PTPN23: variants seen among roughly 807,000 people sequenced by gnomAD.
PTPN23 encodes protein tyrosine phosphatase non-receptor type 23.
In PTPN23, 72 loss-of-function variants were observed where a neutral mutation model predicts 156.3. That is an observed-to-expected ratio of 0.46 (90% CI 0.38 to 0.56). The LOEUF is 0.56. PTPN23 is among the 20% of genes least tolerant of loss of function. The probability of loss-of-function intolerance (pLI) is 0.00; values close to 1 mark genes in which losing one functional copy is unlikely to be tolerated. For synonymous variants in PTPN23, 957 were observed against 899.6 expected, an observed-to-expected ratio of 1.06 and a Z score of -1.14; for missense variants, 1,974 against 2,171.5, an observed-to-expected ratio of 0.91 and a Z score of 1.81.
intron 1 of PTPN23, among the ~76,000 whole-genome samples, chr3:47,383,525 G>C (rs1704591677): frequency 6.6e-6 from 1 of 152,150 alleles, no homozygotes; most frequent in Non-Finnish European, 1.5e-5. Context: ...GTGTTCCCCA[G>C]AGCCTAACAG....
chr3:47,403,362 CTTTT>C (rs914580109), intron 2 of PTPN23, among the ~76,000 whole-genome samples: 1 of 149,596 alleles, frequency 6.7e-6, no homozygotes, highest in African/African-American at 2.4e-5. Flanking sequence ...ACATTCTTTT[CTTTT>C]TTTTTTCCCC....
At position 47,405,310 on chromosome 3, in the gene PTPN23, G is replaced by A; in HGVS notation, c.364+229G>A. 3.4e-6 allele frequency: 2 copies of A among 584,126 alleles called. No individual in the cohort carries two copies. Among genetic ancestry groups the A allele is most frequent in the Non-Finnish European group, 6.1e-6 (2 of 326,288 alleles). The allele number at this position is 584,126 out of a possible 1,614,324, so 36.2% of individuals were successfully genotyped here. A position where few individuals can be genotyped will look rare whatever the true frequency, so the allele number is the denominator to read the frequency against. ...TCTACTGGGCTGGCTGCCACACAGAGTTGCCACTGTGTGCTCTGTCTGGGA... is the reference window on the plus strand; with the variant it reads ...TCTACTGGGCTGGCTGCCACACAGAATTGCCACTGTGTGCTCTGTCTGGGA... On this transcript the variant is annotated intron_variant, in intron 4 of 24. Transcript: ENST00000265562. The surrounding 1 kb of genome is among the most constrained non-coding windows in gnomAD (Gnocchi z 4.7).
chr3:47,409,405 C>T lies in PTPN23; in HGVS notation c.1798-12C>T. 6.2e-7 allele frequency: 1 copy of T among 1,614,040 alleles called. No homozygotes were observed. The highest frequency in any genetic ancestry group is 8.5e-7 in the Non-Finnish European group (1 of 1,179,986). Reference sequence around the variant, plus strand: ...CCTGAGTGTCCGTCCCTGGCCCCCACCCCTTCCTCAGAAGTTGTTCGAGGA... The same window carrying T: ...CCTGAGTGTCCGTCCCTGGCCCCCATCCCTTCCTCAGAAGTTGTTCGAGGA... On this transcript the variant is annotated splice_polypyrimidine_tract_variant and intron_variant, in intron 17 of 24. Coordinates refer to ENST00000265562, the MANE Select transcript of PTPN23 (RefSeq NM_015466.4).
Position 47,407,693 on chromosome 3 carries a change from C to A in PTPN23, c.1004-4C>A, listed in dbSNP as rs200658102. ...CCTGATCTCCACAATTCCCACCCCC[C>A]CAGGAGCCCCCTTGGTGAAGCCCTT... On this transcript the variant is annotated splice_region_variant and splice_polypyrimidine_tract_variant and intron_variant, in intron 12 of 24. Transcript: ENST00000265562. The surrounding 1 kb of genome is among the most constrained non-coding windows in gnomAD (Gnocchi z 4.0). The A allele has an allele frequency of 1.6e-5, 26 of 1,612,780 alleles. No homozygotes were observed. Among genetic ancestry groups the A allele is most frequent in the African/African-American group, 1.2e-4 (9 of 74,862 alleles).
Position 47,405,407 on chromosome 3 carries a change from AGT to A in PTPN23, c.364+330_364+331del, listed in dbSNP as rs1705098866. ...TTTGGGCTGCTTCAGGCAGGAGGAG[AGT>A]GTGGCTGGCCTCAGCTTACCCTGCT... On this transcript the variant is annotated intron_variant, in intron 4 of 24. Transcript: ENST00000265562. This position sits in a 1 kb window ranked among gnomAD's most constrained non-coding sequence, Gnocchi z 4.7. 1 of 530,634 alleles carries A rather than the reference AGT, an allele frequency of 1.9e-6. No homozygotes were observed. The highest frequency in any genetic ancestry group is 3.4e-6 in the Non-Finnish European group (1 of 295,108). The allele number at this position is 530,634 out of a possible 1,614,324, so 32.9% of individuals were successfully genotyped here.
At position 47,407,980 on chromosome 3, in the gene PTPN23, G is replaced by A. The variant is rs373244979; in HGVS notation, c.1184+25G>A. ...AGTGAGTGTGGGACTTGGGCAGGGA[G>A]GCGGAGGCAGGCAGCACTTCCCGGG... On this transcript the variant is annotated intron_variant, in intron 14 of 24. Coordinates refer to ENST00000265562, the MANE Select transcript of PTPN23 (RefSeq NM_015466.4). This position sits in a 1 kb window ranked among gnomAD's most constrained non-coding sequence, Gnocchi z 4.0. 400 of 1,610,036 alleles carry A rather than the reference G, an allele frequency of 2.5e-4. 2 individuals are homozygous for A. The Middle Eastern group carries it at 6.9e-3, about 28-fold the overall frequency.
At chr3:47,408,090 T>C (rs1531874) in intron 14 of PTPN23, 135 bp downstream of exon 14, 1,108,516 of 1,119,594 alleles carry the variant, frequency 0.99, 549,409 homozygotes, top group East Asian at 1. Context: ...CCTTCCCGCC[T>C]GGGGTGGTGG....
At chr3:47,386,645 A>G (rs1704659778) in intron 1 of PTPN23, among the ~76,000 whole-genome samples, 1 of 152,184 alleles carries the variant, frequency 6.6e-6, no homozygotes, top group Admixed American at 6.5e-5. Flanking sequence ...TAGAAAGGTA[A>G]ATAAGAGGAC....
Position 47,386,032 on chromosome 3 carries a change from C to T in PTPN23, c.84+4852C>T, listed in dbSNP as rs143411119. Among the ~76,000 whole-genome samples, 51 of 152,242 alleles carry T rather than the reference C, an allele frequency of 3.3e-4. 1 individual carries two copies. The highest frequency in any genetic ancestry group is 2.1e-4 in the South Asian group (1 of 4,826). On this transcript the variant is annotated intron_variant, in intron 1 of 24. Transcript: ENST00000265562. ...TGTTTATCACATGGGTTGAACTGTA[C>T]GTCATTAGGGTCCTCTCAGCCACCC...
chr3:47,402,149 G>A (rs1445111706), intron 2 of PTPN23, among the ~76,000 whole-genome samples: 2 of 151,996 alleles, frequency 1.3e-5, no homozygotes, highest in African/African-American at 2.4e-5. Flanking sequence ...TCATTTTTTT[G>A]TTGTTTTCCC....
In PTPN23 at chr3:47,407,524, GACA is replaced by G. The variant is rs1470991120; in HGVS notation, c.946_948del (p.Asn316del). The G allele has an allele frequency of 6.2e-7, 1 of 1,614,076 alleles. No homozygotes were observed. The highest frequency in any genetic ancestry group is 8.5e-7 in the Non-Finnish European group (1 of 1,179,978). ...CCCCAGGTACAATTCTGCCAAGAAG[GACA>G]ACGACTTCATTTACCATGAGGCTGT... On this transcript the variant is annotated inframe_deletion, in exon 12 of 25. Coordinates refer to ENST00000265562, the MANE Select transcript of PTPN23 (RefSeq NM_015466.4). The surrounding 1 kb of genome is among the most constrained non-coding windows in gnomAD (Gnocchi z 4.0).
At position 47,408,839 on chromosome 3, in the gene PTPN23, A is replaced by C. The variant is rs759442404; in HGVS notation, c.1394A>C (p.Glu465Ala). 2.5e-6 allele frequency: 4 copies of C among 1,613,902 alleles called. No individual in the cohort carries two copies. In the South Asian group the frequency reaches 4.4e-5, roughly 18 times the overall value. ...SLKDIRDLLE[E>A]DELLEQKFQE... ...AAGGACATCAGAGATCTGTTGGAGGAGGATGAGCTGCTAGAGCAGAAGTTT... is the reference window on the plus strand; with the variant it reads ...AAGGACATCAGAGATCTGTTGGAGGCGGATGAGCTGCTAGAGCAGAAGTTT... The change falls in exon 16 of 25, where the codon GAG (glutamate) becomes GCG (alanine). Residue 465 changes from glutamate (E) to alanine (A), a missense_variant. By Grantham distance (107) the Glu-to-Ala change is moderately radical. Transcript: ENST00000265562.
chr3:47,402,923 A>G (rs1376796998), intron 2 of PTPN23, among the ~76,000 whole-genome samples: 1 of 150,870 alleles, frequency 6.6e-6, no homozygotes, highest in Non-Finnish European at 1.5e-5. Flanking sequence ...CCAGGCTGGC[A>G]TCGAACTCCT....
rs527941220 is a variant in PTPN23, at chr3:47,406,667, A to G, written c.760-36A>G. On this transcript the variant is annotated intron_variant, in intron 8 of 24. Transcript: ENST00000265562. The surrounding 1 kb of genome is among the most constrained non-coding windows in gnomAD (Gnocchi z 5.8). ...GGGCGGGGCTGAGTGGCCACAGCTCAGGAAGCAAGTCGTGGCGTCTCTTCT... is the reference window on the plus strand; with the variant it reads ...GGGCGGGGCTGAGTGGCCACAGCTCGGGAAGCAAGTCGTGGCGTCTCTTCT... The G allele has an allele frequency of 5.0e-6, 8 of 1,613,980 alleles. No homozygotes were observed. In the South Asian group the frequency reaches 5.5e-5, roughly 11 times the overall value.
Position 47,411,540 on chromosome 3 carries a change from T to C in PTPN23, c.3742T>C (p.Cys1248Arg). 6.2e-7 allele frequency: 1 copy of C among 1,612,866 alleles called. No homozygotes were observed. The highest frequency in any genetic ancestry group is 8.5e-7 in the Non-Finnish European group (1 of 1,180,002). ...CAAGGATGACTACATCAATGCCAGCTGCGTGGAGGGGCTCTCCCCATACTG... is the reference window on the plus strand; with the variant it reads ...CAAGGATGACTACATCAATGCCAGCCGCGTGGAGGGGCTCTCCCCATACTG... ...SGKDDYINAS[C>R]VEGLSPYCPP... Residue 1248 changes from cysteine (C) to arginine (R), a missense_variant, in exon 20 of 25, where the codon TGC becomes CGC. Physicochemically the swap from Cys to Arg is radical, Grantham distance 180. Transcript: ENST00000265562. This position sits in a 1 kb window ranked among gnomAD's most constrained non-coding sequence, Gnocchi z 6.3.
At position 47,396,235 on chromosome 3, in the gene PTPN23, T is replaced by C; in HGVS notation, c.159+18T>C. The C allele has an allele frequency of 1.3e-6, 2 of 1,591,642 alleles. No homozygotes were observed. The highest frequency in any genetic ancestry group is 2.2e-5 in the East Asian group (1 of 44,666). On this transcript the variant is annotated intron_variant, in intron 2 of 24. Transcript: ENST00000265562. ...TCAGACAGGTAGGAGGATAGTATTA[T>C]CTTTTTATGCATGGGTAGACAGGAT...
At chr3:47,398,015 G>T (rs1031036639) in intron 2 of PTPN23, among the ~76,000 whole-genome samples, 1 of 152,092 alleles carries the variant, frequency 6.6e-6, no homozygotes, top group Non-Finnish European at 1.5e-5. Flanking sequence ...TTAGTACAAG[G>T]CCAGGTGCAG....
chr3:47,412,992 CCT>C lies in PTPN23; in HGVS notation c.4720_4721del (p.Ser1574LeufsTer30). The C allele has an allele frequency of 6.2e-7, 1 of 1,611,896 alleles. No individual in the cohort carries two copies. Among genetic ancestry groups the C allele is most frequent in the Non-Finnish European group, 8.5e-7 (1 of 1,179,310 alleles). ...CCTGAAGCCCCCAGCTCGGGGCCCC[CCT>C]CCTCCTCCCTGGAATTGCTGGCCTC... On this transcript the variant is annotated frameshift_variant, in exon 25 of 25. Transcript: ENST00000265562. LOFTEE classifies it high-confidence loss of function.
Position 47,406,049 on chromosome 3 carries a change from G to A in PTPN23, c.546+3G>A, listed in dbSNP as rs771705889. 8 of 1,611,470 alleles carry A rather than the reference G, an allele frequency of 5.0e-6. No homozygotes were observed. The East Asian group carries it at 6.7e-5, about 13-fold the overall frequency. On this transcript the variant is annotated splice_donor_region_variant and intron_variant, in intron 6 of 24. Transcript: ENST00000265562. This position sits in a 1 kb window ranked among gnomAD's most constrained non-coding sequence, Gnocchi z 5.8. ...CGCTCAACGTCAACCTCATGCTGGTGAGGAGGCGCCCTGGTTGGAGTGGAG... is the reference window on the plus strand; with the variant it reads ...CGCTCAACGTCAACCTCATGCTGGTAAGGAGGCGCCCTGGTTGGAGTGGAG...
Sources: gnomAD v4.1 joint callset for allele counts (sites outside exome capture counted in the v4.1 genomes callset) on GRCh38, gnomAD v4.1.1 for gene constraint, Gnocchi (gnomAD v3.1) non-coding constraint, MANE v1.5 for transcripts, NCBI Gene and HGNC (gene_info 2026-07-23, HGNC 2026-07-21) for gene names.